TBCEL: variants seen among roughly 807,000 people sequenced by gnomAD.
TBCEL encodes tubulin folding cofactor E like.
Under a neutral mutation model 44.2 loss-of-function variants are expected in TBCEL, and 15 were observed. The observed-to-expected ratio is 0.34, with a 90% CI of 0.23 to 0.52. The LOEUF (loss-of-function observed/expected upper bound fraction) is 0.52. TBCEL is among the 20% of genes least tolerant of loss of function. The probability of loss-of-function intolerance (pLI) is 0.95; values close to 1 mark genes in which losing one functional copy is unlikely to be tolerated. For missense variants in TBCEL, 319 were observed against 506.3 expected, an observed-to-expected ratio of 0.63 and a Z score of 3.55; for synonymous variants, 171 against 185.4, an observed-to-expected ratio of 0.92 and a Z score of 0.63.
intron 8 of TBCEL, among the ~76,000 whole-genome samples, chr11:121,083,712 A>G (rs79047095): frequency 6.6e-6 from 1 of 152,256 alleles, no homozygotes; most frequent in African/African-American, 2.4e-5. Flanking sequence ...GCTTATCCCT[A>G]GTTCTTTAAT....
chr11:121,083,414 T>G (rs1293417640), intron 8 of TBCEL, among the ~76,000 whole-genome samples: 1 of 152,222 alleles, frequency 6.6e-6, no homozygotes, highest in Non-Finnish European at 1.5e-5. Flanking sequence ...TGCCACTTAC[T>G]GAGATACGAA....
chr11:121,026,976 T>C (rs1197281755), intron 1 of TBCEL, among the ~76,000 whole-genome samples: 4 of 152,168 alleles, frequency 2.6e-5, no homozygotes, highest in South Asian at 4.1e-4. Context: ...AGCAGGCTCT[T>C]TTCTCCTTCT....
At chr11:121,044,350 A>G (rs955684400) in intron 2 of TBCEL, among the ~76,000 whole-genome samples, 8 of 152,092 alleles carry the variant, frequency 5.3e-5, no homozygotes, top group Non-Finnish European at 1.2e-4. Context: ...GTAGGATAAC[A>G]TTAAACCTCC....
At chr11:121,036,388 TGG>T (rs1001502731) in intron 1 of TBCEL, 115 bp from the exon 2 acceptor site, 3 of 152,442 alleles carry the variant, frequency 2.0e-5, no homozygotes, top group African/African-American at 7.2e-5. Context: ...GGTGGAGGGA[TGG>T]GCAGGGTGGA....
chr11:121,024,524 TTGGGCTGGGC>T (rs146741117), intron 1 of TBCEL, among the ~76,000 whole-genome samples: 4 of 144,886 alleles, frequency 2.8e-5, no homozygotes, highest in East Asian at 2.1e-4. Flanking sequence ...TGGGAGGGTC[TTGGGCTGGGC>T]TGGGCTGGGC....
chr11:121,034,450 T>G (rs559478682), intron 1 of TBCEL, among the ~76,000 whole-genome samples: 1 of 152,320 alleles, frequency 6.6e-6, no homozygotes, highest in African/African-American at 2.4e-5. Flanking sequence ...GATACAATTA[T>G]GTATTCTAGC....
intron 8 of TBCEL, among the ~76,000 whole-genome samples, chr11:121,084,218 G>A (rs1317765439): frequency 2.0e-5 from 3 of 152,126 alleles, no homozygotes. Context: ...CAAAGCACTA[G>A]GTTAGGTATA....
At position 121,088,488 on chromosome 11, in the gene TBCEL, T is replaced by A. The variant is rs538622005; in HGVS notation, c.*1392T>A. ...AGATGTAATCCCTTTCTTTAATGTG[T>A]ATTTTTCTTGGTCCACCATGTTTAC... On this transcript the variant is annotated 3_prime_UTR_variant, in exon 9 of 9. Transcript: ENST00000683345. The A allele has an allele frequency of 6.6e-6, 1 of 152,208 alleles. No individual in the cohort carries two copies. Among genetic ancestry groups the A allele is most frequent in the Non-Finnish European group, 1.5e-5 (1 of 68,036 alleles). The allele number at this position is 152,208 out of a possible 1,614,324, so 9.4% of individuals were successfully genotyped here. A position where few individuals can be genotyped will look rare whatever the true frequency, so the allele number is the denominator to read the frequency against.
Position 121,055,309 on chromosome 11 carries a change from G to A in TBCEL, c.712+1G>A. The A allele has an allele frequency of 6.2e-7, 1 of 1,605,728 alleles. No individual in the cohort carries two copies. Among genetic ancestry groups the A allele is most frequent in the African/African-American group, 1.3e-5 (1 of 74,670 alleles). ...CGATCCATCAGCCTCCACAAGTCAG[G>A]TGAGGTTCAGGCTTGTTCTTATTCT... On this transcript the variant is annotated splice_donor_variant, in intron 6 of 8. Coordinates refer to ENST00000683345, the MANE Select transcript of TBCEL (RefSeq NM_001363644.2). LOFTEE classifies it high-confidence loss of function.
chr11:121,062,082 T>A (rs2134967124), intron 8 of TBCEL, among the ~76,000 whole-genome samples: 1 of 150,450 alleles, frequency 6.6e-6, no homozygotes, highest in East Asian at 1.9e-4. Flanking sequence ...ACTTTTTAAA[T>A]TTTTTTTTTA....
At chr11:121,077,384 A>G (rs754518853) in intron 8 of TBCEL, among the ~76,000 whole-genome samples, 2 of 152,200 alleles carry the variant, frequency 1.3e-5, no homozygotes, top group Non-Finnish European at 2.9e-5. Flanking sequence ...GAAGGAATTC[A>G]TCCATTTAAT....
chr11:121,063,663 T>G (rs1315379004), intron 8 of TBCEL, among the ~76,000 whole-genome samples: 1 of 152,210 alleles, frequency 6.6e-6, no homozygotes, highest in Non-Finnish European at 1.5e-5. Flanking sequence ...GGACTGATGC[T>G]CTCATTTTTC....
chr11:121,086,756 G>A (rs747341105), intron 8 of TBCEL, 22 bp from the exon 9 acceptor site: 2 of 1,579,890 alleles, frequency 1.3e-6, no homozygotes, highest in East Asian at 2.2e-5. Context: ...TAAGCTGACA[G>A]TGTTGTTTTT....
chr11:121,026,965 T>TA (rs1404293598), intron 1 of TBCEL, among the ~76,000 whole-genome samples: 2 of 152,216 alleles, frequency 1.3e-5, no homozygotes, highest in East Asian at 3.8e-4. Flanking sequence ...TGTCCACCTG[T>TA]AGCAGGCTCT....
At chr11:121,060,189 G>T in intron 8 of TBCEL, 104 bp downstream of exon 8, 1 of 752,204 alleles carries the variant, frequency 1.3e-6, no homozygotes, top group Non-Finnish European at 2.2e-6. Context: ...ACCCTTCTTA[G>T]AGAACTTTGT....
intron 8 of TBCEL, among the ~76,000 whole-genome samples, chr11:121,062,777 G>A (rs1469625598): frequency 3.3e-5 from 5 of 152,148 alleles, no homozygotes; most frequent in African/African-American, 1.2e-4. Context: ...ACCAACTTTA[G>A]ACAGGAACCA....
At chr11:121,054,907 G>C (rs1945593180) in intron 5 of TBCEL, 145 bp from the exon 6 acceptor site, 9 of 817,724 alleles carry the variant, frequency 1.1e-5, no homozygotes, top group Non-Finnish European at 1.5e-5. Flanking sequence ...TGAACTTCAG[G>C]AAGACATCTT....
At chr11:121,077,073 G>C (rs891401935) in intron 8 of TBCEL, among the ~76,000 whole-genome samples, 1 of 151,812 alleles carries the variant, frequency 6.6e-6, no homozygotes. Flanking sequence ...AAGGATTTTT[G>C]TGTTTATGCT....
rs890185714 is a variant in TBCEL, at chr11:121,090,437, A to G, written c.*3341A>G. The G allele has an allele frequency of 2.0e-5, 3 of 152,136 alleles. No individual in the cohort carries two copies. The highest frequency in any genetic ancestry group is 7.2e-5 in the African/African-American group (3 of 41,430). 9.4% of individuals were successfully genotyped at this position (152,136 alleles called of 1,614,324 possible). ...CTAAGTAATGTCATTTCGGTTTGTGAATTTGATTTTTCCCTTCATTTCATG... is the reference window on the plus strand; with the variant it reads ...CTAAGTAATGTCATTTCGGTTTGTGGATTTGATTTTTCCCTTCATTTCATG... On this transcript the variant is annotated 3_prime_UTR_variant, in exon 9 of 9. Transcript: ENST00000683345.
Sources: gnomAD v4.1 joint callset for allele counts (sites outside exome capture counted in the v4.1 genomes callset) on GRCh38, gnomAD v4.1.1 for gene constraint, MANE v1.5 for transcripts, NCBI Gene and HGNC (gene_info 2026-07-23, HGNC 2026-07-21) for gene names.